Variants in NAV2 observed in about 807,000 individuals in gnomAD.
The protein encoded by NAV2 is neuron navigator 2, also known as helicase, APC down-regulated 1.
In NAV2, 54 loss-of-function variants were observed where a neutral mutation model predicts 223.2. The observed-to-expected ratio is 0.24, with a 90% CI of 0.19 to 0.30. The LOEUF (loss-of-function observed/expected upper bound fraction) is 0.30, where lower values mean the gene tolerates loss of function less well. Among genes scored for constraint, NAV2 ranks in the 10% least tolerant of loss-of-function variants. The probability of loss-of-function intolerance (pLI) is 1.00; values close to 1 mark genes in which losing one functional copy is unlikely to be tolerated. For synonymous variants in NAV2, 1,279 were observed against 1,239.3 expected (o/e 1.03, Z -0.67); for missense variants, 2,806 against 3,147.5 (o/e 0.89, Z 2.60).
At chr11:19,954,736 T>A (rs2047688338) in intron 10 of NAV2, among the ~76,000 whole-genome samples, 1 of 152,194 alleles carries the variant, frequency 6.6e-6, no homozygotes, top group Non-Finnish European at 1.5e-5. Flanking sequence ...TCTGATTCCA[T>A]CCAAGCAGAG....
intron 1 of NAV2, among the ~76,000 whole-genome samples, chr11:19,514,536 A>G (rs1490142428): frequency 6.6e-6 from 1 of 152,188 alleles, no homozygotes; most frequent in African/African-American, 2.4e-5. Flanking sequence ...CGCATCTCAG[A>G]GAGACCAACT....
At chr11:19,819,877 C>T (rs973491281) in intron 1 of NAV2, among the ~76,000 whole-genome samples, 6 of 152,218 alleles carry the variant, frequency 3.9e-5, no homozygotes, top group Non-Finnish European at 7.3e-5. Context: ...CAGAGTTCTG[C>T]GGATCTAATC....
intron 26 of NAV2, among the ~76,000 whole-genome samples, chr11:20,088,693 A>G (rs2153679185): frequency 6.6e-6 from 1 of 152,330 alleles, no homozygotes; most frequent in South Asian, 2.1e-4. Context: ...CCACAACGTG[A>G]GTGCCAAGAA....
chr11:20,050,818 T>G (rs1421070402), intron 16 of NAV2, among the ~76,000 whole-genome samples: 1 of 152,192 alleles, frequency 6.6e-6, no homozygotes, highest in Non-Finnish European at 1.5e-5. Context: ...GCTGGCCTCT[T>G]GAAACCTCCA....
At chr11:19,573,171 G>T (rs1432126360) in intron 1 of NAV2, among the ~76,000 whole-genome samples, 1 of 152,078 alleles carries the variant, frequency 6.6e-6, no homozygotes, top group African/African-American at 2.4e-5. Context: ...CATCTGTGTG[G>T]CTACCTTCAT....
chr11:20,107,666 C>G lies in NAV2; in HGVS notation c.6844C>G (p.Pro2282Ala). 1 of 1,613,448 alleles carries G rather than the reference C, an allele frequency of 6.2e-7. No homozygotes were observed. Among genetic ancestry groups the G allele is most frequent in the Non-Finnish European group, 8.5e-7 (1 of 1,179,408 alleles). The change falls in exon 36 of 38, where the codon CCC becomes GCC. Residue 2282 changes from proline (P) to alanine (A), a missense_variant and splice_region_variant. Physicochemically the swap from Pro to Ala is conservative, Grantham distance 27. Coordinates refer to ENST00000349880, the MANE Select transcript of NAV2 (RefSeq NM_145117.5). ...TGTATTTTCACTGTGGTCTCCAGGC[C>G]CCCGGCTCTTCCTGTCATGCCCCAT... ...AHSSSDVTIG[P>A]RLFLSCPIDV...
intron 37 of NAV2, among the ~76,000 whole-genome samples, chr11:20,115,871 C>T (rs549889919): frequency 6.6e-6 from 1 of 152,260 alleles, no homozygotes; most frequent in South Asian, 2.1e-4. Flanking sequence ...CAAGATTGTG[C>T]CACTGCACTC....
At chr11:19,450,026 C>A (rs1851736565) in intron 1 of NAV2, among the ~76,000 whole-genome samples, 1 of 152,126 alleles carries the variant, frequency 6.6e-6, no homozygotes, top group African/African-American at 2.4e-5. Flanking sequence ...ATTTTCAATT[C>A]ACCACTGGGA....
chr11:19,989,194 A>G (rs1459751108), intron 11 of NAV2, among the ~76,000 whole-genome samples: 4 of 152,230 alleles, frequency 2.6e-5, no homozygotes, highest in Non-Finnish European at 4.4e-5. Flanking sequence ...GTTGCCAGTC[A>G]GCTGACAGGG....
intron 1 of NAV2, among the ~76,000 whole-genome samples, chr11:19,630,539 T>G (rs923998953): frequency 2.6e-5 from 4 of 152,246 alleles, no homozygotes; most frequent in Admixed American, 2.6e-4. Flanking sequence ...CTACCCAGAT[T>G]GCTCCTTCTT....
chr11:19,806,262 A>T (rs993144195), intron 1 of NAV2, among the ~76,000 whole-genome samples: 2 of 152,242 alleles, frequency 1.3e-5, no homozygotes, highest in African/African-American at 4.8e-5. Flanking sequence ...ATTGGAAAAT[A>T]TTCCTTTCCT....
At chr11:20,088,539 T>C (rs2060607434) in intron 26 of NAV2, among the ~76,000 whole-genome samples, 1 of 152,196 alleles carries the variant, frequency 6.6e-6, no homozygotes, top group Non-Finnish European at 1.5e-5. Flanking sequence ...CTCATCATTG[T>C]GTGTTTCTGA....
intron 35 of NAV2, among the ~76,000 whole-genome samples, chr11:20,106,626 G>GTTGTTTTTGTT (rs2062141315): frequency 1.3e-5 from 2 of 149,536 alleles, no homozygotes; most frequent in African/African-American, 4.9e-5. Flanking sequence ...CTACTCAGTT[G>GTTGTTTTTGTT]TTGTTTTTGT....
At chr11:20,109,759 G>C (rs951463175) in intron 36 of NAV2, among the ~76,000 whole-genome samples, 1 of 152,226 alleles carries the variant, frequency 6.6e-6, no homozygotes, top group African/African-American at 2.4e-5. Context: ...TGCTCTAAAT[G>C]TGGTCTTCTG....
chr11:19,839,650 G>A (rs1265992335), intron 2 of NAV2, among the ~76,000 whole-genome samples: 1 of 152,236 alleles, frequency 6.6e-6, no homozygotes, highest in Non-Finnish European at 1.5e-5. Flanking sequence ...AACTGCCAGG[G>A]ATGATAAGTG....
intron 1 of NAV2, among the ~76,000 whole-genome samples, chr11:19,699,077 C>T (rs950541934): frequency 1.3e-5 from 2 of 152,180 alleles, no homozygotes; most frequent in African/African-American, 4.8e-5. Context: ...CACTCTGTGG[C>T]CCACAGTGAA....
At chr11:19,980,334 A>C (rs1395187268) in intron 10 of NAV2, among the ~76,000 whole-genome samples, 1 of 152,202 alleles carries the variant, frequency 6.6e-6, no homozygotes, top group East Asian at 1.9e-4. Context: ...GCAAGAGTCC[A>C]CTCAGAAGAC....
chr11:19,923,534 G>A (rs1342244779), intron 6 of NAV2, among the ~76,000 whole-genome samples: 1 of 152,140 alleles, frequency 6.6e-6, no homozygotes, highest in East Asian at 1.9e-4. Flanking sequence ...TCCTATTTGG[G>A]GCTGCCCATC....
chr11:19,598,232 CCTTT>C (rs764435501), intron 1 of NAV2, among the ~76,000 whole-genome samples: 95 of 152,212 alleles, frequency 6.2e-4, no homozygotes, highest in Non-Finnish European at 1.8e-4. Context: ...GTCCAACAGA[CCTTT>C]CTAGCATGCC....
Sources: gnomAD v4.1 joint callset for allele counts (sites outside exome capture counted in the v4.1 genomes callset) on GRCh38, gnomAD v4.1.1 for gene constraint, MANE v1.5 for transcripts, NCBI Gene and HGNC (gene_info 2026-07-23, HGNC 2026-07-21) for gene names.